Variants in ARHGAP24 observed in about 807,000 individuals in gnomAD.
The protein encoded by ARHGAP24 is rho GTPase-activating protein 24.
Under a neutral mutation model 76.4 loss-of-function variants are expected in ARHGAP24, and 50 were observed. That is an observed-to-expected ratio of 0.65 (90% CI 0.52 to 0.83). The LOEUF is 0.83. Among genes scored for constraint, ARHGAP24 ranks in the 40% least tolerant of loss-of-function variants. ARHGAP24 has a pLI of 0.00. For synonymous variants in ARHGAP24, 345 were observed against 323.3 expected (o/e 1.07, Z -0.72); for missense variants, 930 against 914.2 (o/e 1.02, Z -0.22).
chr4:85,596,962 A>G (rs987287427), intron 2 of ARHGAP24, among the ~76,000 whole-genome samples: 1 of 152,138 alleles, frequency 6.6e-6, no homozygotes, highest in Admixed American at 6.6e-5. Context: ...AAACATATAA[A>G]TCCATCGTTT....
intron 1 of ARHGAP24, among the ~76,000 whole-genome samples, chr4:85,500,800 T>C (rs1316168084): frequency 1.3e-5 from 2 of 152,074 alleles, no homozygotes; most frequent in Non-Finnish European, 2.9e-5. Flanking sequence ...ATGTGCCATG[T>C]TGGTTTGCTG....
At chr4:85,773,251 G>A (rs556517484) in intron 3 of ARHGAP24, among the ~76,000 whole-genome samples, 3 of 152,048 alleles carry the variant, frequency 2.0e-5, no homozygotes, top group South Asian at 2.1e-4. Flanking sequence ...TCCTTTAGAC[G>A]ACCTGTCCCA....
At chr4:85,966,564 C>T (rs995276209) in intron 5 of ARHGAP24, among the ~76,000 whole-genome samples, 1 of 152,116 alleles carries the variant, frequency 6.6e-6, no homozygotes, top group Non-Finnish European at 1.5e-5. Context: ...TTGAACAGAA[C>T]CAGACTTTTT....
intron 2 of ARHGAP24, among the ~76,000 whole-genome samples, chr4:85,718,061 T>C (rs1724795567): frequency 6.6e-6 from 1 of 152,138 alleles, no homozygotes; most frequent in Non-Finnish European, 1.5e-5. Flanking sequence ...CAGTGCATAC[T>C]TTTTAATGAC....
At chr4:85,676,697 AG>A (rs1472472916) in intron 2 of ARHGAP24, among the ~76,000 whole-genome samples, 5 of 152,174 alleles carry the variant, frequency 3.3e-5, no homozygotes, top group African/African-American at 1.2e-4. Flanking sequence ...AGCAAGGAAA[AG>A]GGTTATGAAA....
intron 3 of ARHGAP24, among the ~76,000 whole-genome samples, chr4:85,866,837 G>A (rs149090927): frequency 9.3e-4 from 142 of 152,170 alleles, no homozygotes; most frequent in African/African-American, 3.3e-3. Flanking sequence ...ATGGTTGGAG[G>A]GAAAGGGAAA....
chr4:85,645,576 A>G lies in ARHGAP24; in HGVS notation c.180+74855A>G, dbSNP rs547246004. Among the ~76,000 whole-genome samples, 222 of 152,204 alleles carry G rather than the reference A, an allele frequency of 1.5e-3. 2 individuals are homozygous for G. The highest frequency in any genetic ancestry group is 5.1e-3 in the African/African-American group (212 of 41,572). On this transcript the variant is annotated intron_variant, in intron 2 of 9. Transcript: ENST00000395184. ...AAGGTAAAACTGACTTTTTAAAATGAGGTGCATATGCTGCATGGCACTGGG... is the reference window on the plus strand; with the variant it reads ...AAGGTAAAACTGACTTTTTAAAATGGGGTGCATATGCTGCATGGCACTGGG...
At chr4:85,952,525 A>G (rs1179691370) in intron 5 of ARHGAP24, among the ~76,000 whole-genome samples, 1 of 152,226 alleles carries the variant, frequency 6.6e-6, no homozygotes, top group African/African-American at 2.4e-5. Context: ...AAAAACAGAA[A>G]AGGTGGTGTG....
chr4:85,566,072 A>G (rs913642961), intron 1 of ARHGAP24, among the ~76,000 whole-genome samples: 1 of 152,230 alleles, frequency 6.6e-6, no homozygotes, highest in Non-Finnish European at 1.5e-5. Context: ...TACAGTAGCC[A>G]TCATTAAGGT....
In ARHGAP24 at chr4:86,000,765, C is replaced by T; in HGVS notation, c.*43C>T. On this transcript the variant is annotated 3_prime_UTR_variant, in exon 10 of 10. Transcript: ENST00000395184. Reference sequence around the variant, plus strand: ...GTCTCTGATGGCTCTGGCAAGGACTCCAGGGATTCTGGTGGGATATGACTT... The same window carrying T: ...GTCTCTGATGGCTCTGGCAAGGACTTCAGGGATTCTGGTGGGATATGACTT... 1.9e-6 allele frequency: 3 copies of T among 1,612,138 alleles called. 1 individual carries two copies. The highest frequency in any genetic ancestry group is 2.2e-5 in the South Asian group (2 of 90,780).
At chr4:85,960,984 C>T (rs1244525001) in intron 5 of ARHGAP24, among the ~76,000 whole-genome samples, 1 of 152,036 alleles carries the variant, frequency 6.6e-6, no homozygotes. Context: ...AGAACCAAAC[C>T]AGAATAAAAC....
In ARHGAP24 at chr4:85,773,020, A is replaced by C. The variant is rs115633889; in HGVS notation, c.268+51048A>C. 2.9e-3 allele frequency among the ~76,000 whole-genome samples: 447 copies of C among 152,320 alleles called. 3 individuals carry two copies. Among genetic ancestry groups the C allele is most frequent in the African/African-American group, 0.01 (430 of 41,578 alleles). On this transcript the variant is annotated intron_variant, in intron 3 of 9. Coordinates refer to ENST00000395184, the MANE Select transcript of ARHGAP24 (RefSeq NM_001025616.3). ...CTCAGTTTCCTCGTCTGCAAATAGA[A>C]TGTATGAAAAATGTCTTTTACATAA...
At chr4:85,530,765 A>G (rs933950281) in intron 1 of ARHGAP24, among the ~76,000 whole-genome samples, 4 of 152,028 alleles carry the variant, frequency 2.6e-5, no homozygotes, top group African/African-American at 7.2e-5. Flanking sequence ...TCTGAATAGT[A>G]TTATTTTATG....
chr4:85,953,220 T>G (rs1213819877), intron 5 of ARHGAP24, among the ~76,000 whole-genome samples: 1 of 152,140 alleles, frequency 6.6e-6, no homozygotes, highest in Non-Finnish European at 1.5e-5. Context: ...CAACTGCTGT[T>G]TCAGGTCCCC....
At chr4:85,661,158 T>C (rs1722368920) in intron 2 of ARHGAP24, among the ~76,000 whole-genome samples, 1 of 152,236 alleles carries the variant, frequency 6.6e-6, no homozygotes. Context: ...GTGATTTTGC[T>C]TCTGCAGTTG....
At chr4:85,833,401 G>C (rs1730095497) in intron 3 of ARHGAP24, among the ~76,000 whole-genome samples, 2 of 151,822 alleles carry the variant, frequency 1.3e-5, no homozygotes, top group South Asian at 4.2e-4. Context: ...TTTACTTCCT[G>C]TTCCTCTAGT....
At chr4:85,808,588 A>G (rs1435567254) in intron 3 of ARHGAP24, among the ~76,000 whole-genome samples, 4 of 152,166 alleles carry the variant, frequency 2.6e-5, no homozygotes, top group Admixed American at 6.5e-5. Context: ...CCTCCACTCT[A>G]TCTCCTCTCT....
chr4:85,716,601 C>A (rs923229080), intron 2 of ARHGAP24, among the ~76,000 whole-genome samples: 7 of 152,044 alleles, frequency 4.6e-5, no homozygotes, highest in African/African-American at 1.7e-4. Context: ...GGATAACATG[C>A]ACTTACTTAG....
intron 2 of ARHGAP24, among the ~76,000 whole-genome samples, chr4:85,709,045 C>A (rs186680755): frequency 1.3e-5 from 2 of 152,218 alleles, no homozygotes; most frequent in Admixed American, 1.3e-4. Context: ...TTTATCTGTG[C>A]CTTCTATATT....
Sources: allele counts gnomAD v4.1 joint callset (sites outside exome capture counted in the v4.1 genomes callset), GRCh38; gene constraint gnomAD v4.1.1; transcripts MANE v1.5; gene names NCBI Gene and HGNC (gene_info 2026-07-23, HGNC 2026-07-21).